The following ADH5 variants were observed in gnomAD, a reference collection of about 807,000 sequenced individuals.
ADH5 encodes alcohol dehydrogenase 5 (class III), chi polypeptide, also known as alcohol dehydrogenase class-3.
Under a neutral mutation model 40.3 loss-of-function variants are expected in ADH5, and 32 were observed. That is an observed-to-expected ratio of 0.79 (90% CI 0.60 to 1.07). The LOEUF is 1.07. Ranked by LOEUF, ADH5 falls within the 50% of genes least tolerant of loss-of-function variation. The probability of loss-of-function intolerance (pLI) is 0.00; values close to 1 mark genes in which losing one functional copy is unlikely to be tolerated. For synonymous variants in ADH5, 125 were observed against 154.3 expected (o/e 0.81, Z 1.41); for missense variants, 353 against 460.5 (o/e 0.77, Z 2.14).
At chr4:99,083,616 A>T (rs1359655106) in intron 2 of ADH5, among the ~76,000 whole-genome samples, 3 of 106,144 alleles carry the variant, frequency 2.8e-5, no homozygotes, top group African/African-American at 1.6e-4. Flanking sequence ...AAAAAAAAAA[A>T]AAAAAAAAAA....
In ADH5 at chr4:99,074,975, T is replaced by G. The variant is rs912381311; in HGVS notation, c.900A>C (p.Glu300Asp). 5 of 1,613,178 alleles carry G rather than the reference T, an allele frequency of 3.1e-6. No individual in the cohort carries two copies. In the African/African-American group the frequency reaches 6.7e-5, roughly 22 times the overall value. ...VVVGVAASGEEIATRPFQLVT... is the reference protein window; with the variant it reads ...VVVGVAASGEDIATRPFQLVT... Reference sequence around the variant, plus strand: ...CCAGCTGGAATGGACGAGTGGCAATTTCTTCACCTGAAGCAGCTACTCCAA... The same window carrying G: ...CCAGCTGGAATGGACGAGTGGCAATGTCTTCACCTGAAGCAGCTACTCCAA... Residue 300 changes from glutamate to aspartate, a missense_variant, in exon 7 of 9, where the codon GAA (glutamate) becomes GAC (aspartate). Transcript: ENST00000296412.
intron 7 of ADH5, among the ~76,000 whole-genome samples, 192 bp downstream of exon 7, chr4:99,074,722 C>T (rs374598757): frequency 6.6e-6 from 1 of 152,140 alleles, no homozygotes; most frequent in Non-Finnish European, 1.5e-5. Context: ...ACCCTCCCCC[C>T]CAAGTCCCAG....
intron 1 of ADH5, 136 bp downstream of exon 1, chr4:99,088,552 TG>T: frequency 2.3e-6 from 2 of 872,002 alleles, no homozygotes; most frequent in Non-Finnish European, 3.3e-6. Flanking sequence ...AGCCGCTCGC[TG>T]GGGGCCCAGT....
At chr4:99,084,519 T>A (rs1053988958) in intron 2 of ADH5, among the ~76,000 whole-genome samples, 1 of 152,200 alleles carries the variant, frequency 6.6e-6, no homozygotes, top group Non-Finnish European at 1.5e-5. Flanking sequence ...TGCCCACCCC[T>A]TTCTTGGAAA....
chr4:99,086,409 G>C (rs149707267), intron 1 of ADH5, among the ~76,000 whole-genome samples: 4 of 152,288 alleles, frequency 2.6e-5, no homozygotes, highest in African/African-American at 9.6e-5. Flanking sequence ...ACAGACTAAA[G>C]GTTGTAAGCC....
chr4:99,088,756 A>G lies in ADH5; in HGVS notation c.-56T>C, dbSNP rs1190234263. The G allele has an allele frequency of 1.6e-6, 2 of 1,274,518 alleles. No individual in the cohort carries two copies. The highest frequency in any genetic ancestry group is 1.5e-5 in the South Asian group (1 of 68,604). 79.0% of individuals were successfully genotyped at this position (1,274,518 alleles called of 1,614,324 possible). The stretch of plus-strand genomic sequence containing the variant: ...GACATCCGGGGTGGGCCGCGCAGCG[A>G]CGGAGGCATGGGCGTGGCGAGCGCC... On this transcript the variant is annotated 5_prime_UTR_variant, in exon 1 of 9. Coordinates refer to ENST00000296412, the MANE Select transcript of ADH5 (RefSeq NM_000671.4).
intron 4 of ADH5, chr4:99,079,950 C>T (rs772110868): frequency 1.6e-4 from 71 of 450,882 alleles, no homozygotes; most frequent in Non-Finnish European, 2.8e-4. Flanking sequence ...TATATCTTAA[C>T]GGCTGGTGAT....
chr4:99,078,889 C>A (rs1490477204), intron 4 of ADH5, among the ~76,000 whole-genome samples: 1 of 152,170 alleles, frequency 6.6e-6, no homozygotes, highest in East Asian at 1.9e-4. Flanking sequence ...TGATGTGTTG[C>A]AAAATCTTTC....
At position 99,072,558 on chromosome 4, in the gene ADH5, A is replaced by C; in HGVS notation, c.1100+15T>G. 1.4e-5 allele frequency: 22 copies of C among 1,609,678 alleles called. No homozygotes were observed. The highest frequency in any genetic ancestry group is 1.9e-5 in the Non-Finnish European group (22 of 1,178,454). ...ATCATTATTACATTCTATGATATATAAAGAGAAAGCCTACCTCTTTCCAGA... is the reference window on the plus strand; with the variant it reads ...ATCATTATTACATTCTATGATATATCAAGAGAAAGCCTACCTCTTTCCAGA... On this transcript the variant is annotated intron_variant, in intron 8 of 8. Coordinates refer to ENST00000296412, the MANE Select transcript of ADH5 (RefSeq NM_000671.4).
chr4:99,084,248 G>A (rs1038734553), intron 2 of ADH5, among the ~76,000 whole-genome samples: 3 of 152,204 alleles, frequency 2.0e-5, no homozygotes, highest in African/African-American at 7.2e-5. Flanking sequence ...GAATGAAATA[G>A]GAGGTTGGCA....
At chr4:99,087,455 C>T (rs145086181) in intron 1 of ADH5, among the ~76,000 whole-genome samples, 2 of 151,444 alleles carry the variant, frequency 1.3e-5, no homozygotes, top group African/African-American at 2.4e-5. Flanking sequence ...TGGAAATGAT[C>T]GTTTTTAAAA....
At chr4:99,087,471 T>C (rs29001347) in intron 1 of ADH5, among the ~76,000 whole-genome samples, 3,439 of 152,074 alleles carry the variant, frequency 0.023, 53 homozygotes, top group Admixed American at 0.036. Flanking sequence ...TAAAATTAAA[T>C]TGCAGATATT....
At chr4:99,077,643 T>C (rs936984348) in intron 4 of ADH5, among the ~76,000 whole-genome samples, 2 of 152,356 alleles carry the variant, frequency 1.3e-5, no homozygotes, top group Non-Finnish European at 2.9e-5. Context: ...AATTTATATC[T>C]TTCAGGAGGC....
intron 4 of ADH5, 77 bp downstream of exon 4, chr4:99,081,288 T>A: frequency 1.1e-6 from 1 of 914,592 alleles, no homozygotes; most frequent in Non-Finnish European, 1.7e-6. Flanking sequence ...TAATTCCTCC[T>A]CAACCCCTCG....
chr4:99,082,717 C>T (rs1485029751), intron 2 of ADH5, among the ~76,000 whole-genome samples: 2 of 152,178 alleles, frequency 1.3e-5, no homozygotes, highest in Admixed American at 6.5e-5. Flanking sequence ...CGCTCTATCA[C>T]CCAGGCTGGA....
chr4:99,087,205 G>A (rs1055695500), intron 1 of ADH5, among the ~76,000 whole-genome samples: 1 of 151,978 alleles, frequency 6.6e-6, no homozygotes, highest in Non-Finnish European at 1.5e-5. Flanking sequence ...CCACTATGGC[G>A]AAACCCCGTC....
intron 1 of ADH5, among the ~76,000 whole-genome samples, chr4:99,087,375 C>T (rs1479637169): frequency 1.8e-5 from 2 of 109,230 alleles, no homozygotes; most frequent in Admixed American, 2.8e-4. Context: ...AAGAGCGAAA[C>T]TCCGTCTGAA....
At chr4:99,072,550 T>C (rs1244118257) in intron 8 of ADH5, 23 bp downstream of exon 8, 16 of 1,609,448 alleles carry the variant, frequency 9.9e-6, no homozygotes, top group Non-Finnish European at 1.2e-5. Context: ...TTACATTCTA[T>C]GATATATAAA....
chr4:99,081,772 G>T, intron 3 of ADH5: 1 of 665,562 alleles, frequency 1.5e-6, no homozygotes. Context: ...ACTTAGAAAA[G>T]TTTCACAAAA....
Sources: gnomAD v4.1 joint callset for allele counts (sites outside exome capture counted in the v4.1 genomes callset) on GRCh38, gnomAD v4.1.1 for gene constraint, MANE v1.5 for transcripts, NCBI Gene and HGNC (gene_info 2026-07-23, HGNC 2026-07-21) for gene names.